Variants in COL5A3 observed in about 807,000 individuals in gnomAD.
The protein encoded by COL5A3 is collagen alpha-3(V) chain.
A neutral mutation model predicts 250.0 loss-of-function variants in COL5A3; 172 were observed. That is an observed-to-expected ratio of 0.69 (90% CI 0.61 to 0.78). COL5A3 has a LOEUF of 0.78. Among genes scored for constraint, COL5A3 ranks in the 30% least tolerant of loss-of-function variants. COL5A3 has a pLI of 0.00. For synonymous variants in COL5A3, 937 were observed against 900.4 expected (o/e 1.04, Z -0.73); for missense variants, 2,340 against 2,334.4 (o/e 1.00, Z -0.05).
chr19:9,978,478 C>T, intron 41 of COL5A3, 96 bp downstream of exon 41: 1 of 815,626 alleles, frequency 1.2e-6, no homozygotes, highest in Non-Finnish European at 2.1e-6. Flanking sequence ...CCTGCCTCAG[C>T]CTCCATCATG....
Position 9,993,768 on chromosome 19 carries a change from C to G in COL5A3, c.1626G>C (p.Gly542=), listed in dbSNP as rs1372504015. 6.2e-7 allele frequency: 1 copy of G among 1,614,154 alleles called. No individual in the cohort carries two copies. Among genetic ancestry groups the G allele is most frequent in the Middle Eastern group, 1.6e-4 (1 of 6,062 alleles). ...CATCACCTACCTTAGGTCCAGTGTC[C>G]CCTGGGAGGCCCCGAGCTCCATCTG... is the stretch of plus-strand genomic sequence containing the variant. ...PGADGARGLP[G]DTGPKGDRGF... The change falls in exon 17 of 67, where the codon GGG becomes GGC. Residue 542 remains glycine, a synonymous_variant. Coordinates refer to ENST00000264828, the MANE Select transcript of COL5A3 (RefSeq NM_015719.4).
At position 10,005,886 on chromosome 19, in the gene COL5A3, C is replaced by T. The variant is rs759264339; in HGVS notation, c.347G>A (p.Arg116Gln). The T allele has an allele frequency of 3.0e-5, 49 of 1,613,822 alleles. No individual in the cohort carries two copies. Among genetic ancestry groups the T allele is most frequent in the Admixed American group, 8.3e-5 (5 of 60,008 alleles). ...TGGCCCCAGTGCCAGGCCCAACTGC[C>T]GGGCACCCCTTTCATCATAAATGGA... ...LLSIYDERGA[R>Q]QLGLALGPAL... Residue 116 changes from arginine to glutamine, a missense_variant, in exon 3 of 67, where the codon CGG becomes CAG. Physicochemically the swap from Arg to Gln is conservative, Grantham distance 43. This residue lies in a region of COL5A3 where 1,152 missense variants were observed against 1,146.3 expected (regional missense o/e 1.00). Coordinates refer to ENST00000264828, the MANE Select transcript of COL5A3 (RefSeq NM_015719.4).
intron 24 of COL5A3, among the ~76,000 whole-genome samples, chr19:9,990,650 C>A (rs563103902): frequency 6.6e-6 from 1 of 151,948 alleles, no homozygotes; most frequent in African/African-American, 2.4e-5. Flanking sequence ...GCAAGCTCCG[C>A]CTCCCAGGTT....
At chr19:9,987,812 A>G (rs2087120601) in intron 27 of COL5A3, among the ~76,000 whole-genome samples, 1 of 152,082 alleles carries the variant, frequency 6.6e-6, no homozygotes, top group South Asian at 2.1e-4. Context: ...GGATACGCCT[A>G]TAGTCCTAGC....
chr19:9,990,359 A>C (rs1053002629), intron 24 of COL5A3, among the ~76,000 whole-genome samples: 2 of 146,990 alleles, frequency 1.4e-5, no homozygotes, highest in African/African-American at 5.1e-5. Context: ...ATGCCATTGC[A>C]CTCCAGCCTG....
Position 9,983,552 on chromosome 19 carries a change from GAA to G in COL5A3, c.2407-1436_2407-1435del, listed in dbSNP as rs1334329291. Among the ~76,000 whole-genome samples the G allele has an allele frequency of 4.4e-3, 238 of 54,050 alleles. 1 individual carries two copies. The highest frequency in any genetic ancestry group is 7.6e-3 in the East Asian group (15 of 1,964). The allele number at this position is 54,050 out of a possible 152,430, so 35.5% of individuals were successfully genotyped here. On this transcript the variant is annotated intron_variant, in intron 31 of 66. Transcript: ENST00000264828. ...AAGAAGAAAGAAAGAAAGAAAGAAA[GAA>G]AGAAAGAAAGAAAGAAAGAAAGAAA...
chr19:10,005,386 A>G (rs574214195), intron 4 of COL5A3, among the ~76,000 whole-genome samples, 172 bp downstream of exon 4: 27 of 152,220 alleles, frequency 1.8e-4, no homozygotes, highest in Non-Finnish European at 2.9e-4. Flanking sequence ...TGGCTCTGCA[A>G]TCTCACAATC....
chr19:10,003,515 C>A lies in COL5A3; in HGVS notation c.849+50G>T, dbSNP rs768883268. On this transcript the variant is annotated intron_variant, in intron 6 of 66. Coordinates refer to ENST00000264828, the MANE Select transcript of COL5A3 (RefSeq NM_015719.4). Reference sequence around the variant, plus strand: ...AAGACCAGAAGTCAGACAGTCAAGACCGGAAGTCAGGTGGTCAAAACCGGA... The same window carrying A: ...AAGACCAGAAGTCAGACAGTCAAGAACGGAAGTCAGGTGGTCAAAACCGGA... The A allele has an allele frequency of 3.8e-6, 6 of 1,589,644 alleles. No individual in the cohort carries two copies. In the East Asian group the frequency reaches 1.3e-4, roughly 36 times the overall value.
At chr19:9,977,812 C>G in intron 41 of COL5A3, 111 bp from the exon 42 acceptor site, 2 of 825,552 alleles carry the variant, frequency 2.4e-6, no homozygotes, top group South Asian at 3.0e-5. Flanking sequence ...TGTATCTAAC[C>G]TGTTCCCCTC....
chr19:9,966,665 C>A lies in COL5A3; in HGVS notation c.4540G>T (p.Glu1514Ter). ...VPLPVVEGGL[E>*]EVLASLTSLS... ...GATGTGAGCGAGGCCAGCACCTCCT[C>A]CAGGCCGCCCTCCACGACTGGAAGC... Residue 1514 changes from glutamate (E) to a stop codon, truncating the protein, a stop_gained, in exon 63 of 67, where the codon GAG becomes TAG. Coordinates refer to ENST00000264828, the MANE Select transcript of COL5A3 (RefSeq NM_015719.4). LOFTEE classifies it high-confidence loss of function. The A allele has an allele frequency of 6.5e-7, 1 of 1,538,192 alleles. No homozygotes were observed. The highest frequency in any genetic ancestry group is 8.7e-7 in the Non-Finnish European group (1 of 1,147,368).
At chr19:9,997,867 G>T in intron 10 of COL5A3, 117 bp downstream of exon 10, 1 of 1,077,204 alleles carries the variant, frequency 9.3e-7, no homozygotes, top group Non-Finnish European at 1.4e-6. Flanking sequence ...AGCCTCAAAT[G>T]TCCACTACCC....
rs1218643890 is a variant in COL5A3, at chr19:10,006,094, G to A, written c.226C>T (p.Pro76Ser). ...RIGQASTLGI[P>S]TWELFPEGHF... is the part of the protein sequence containing the mutation. ...TCACCTGGAAAGAGTTCCCACGTGG[G>A]GATGCCGAGCGTGCTGGCCTGGCCA... Residue 76 changes from proline (P) to serine (S), a missense_variant, in exon 2 of 67, where the codon CCC becomes TCC. By Grantham distance (74) the Pro-to-Ser change is moderately conservative. Coordinates refer to ENST00000264828, the MANE Select transcript of COL5A3 (RefSeq NM_015719.4). 1 of 1,613,914 alleles carries A rather than the reference G, an allele frequency of 6.2e-7. No homozygotes were observed. Among genetic ancestry groups the A allele is most frequent in the African/African-American group, 1.3e-5 (1 of 74,906 alleles).
intron 32 of COL5A3, among the ~76,000 whole-genome samples, chr19:9,981,503 T>C (rs1171402053): frequency 6.6e-6 from 1 of 152,190 alleles, no homozygotes; most frequent in African/African-American, 2.4e-5. Context: ...TGCACACATG[T>C]ATACCCACTG....
chr19:9,979,388 T>A lies in COL5A3; in HGVS notation c.2742A>T (p.Gly914=), dbSNP rs148722811. The part of the protein sequence containing the change: ...LGFQGQTGPP[G]PAGVLGPQGK... Reference sequence around the variant, plus strand: ...CCTGAGGGCCTAAGACACCAGCTGGTCCAGGCGGGCCTGTCTGACCTTGGA... The same window carrying A: ...CCTGAGGGCCTAAGACACCAGCTGGACCAGGCGGGCCTGTCTGACCTTGGA... The change falls in exon 38 of 67, where the codon GGA becomes GGT. Residue 914 remains glycine, a synonymous_variant. Coordinates refer to ENST00000264828, the MANE Select transcript of COL5A3 (RefSeq NM_015719.4). The A allele has an allele frequency of 2.1e-4, 335 of 1,614,090 alleles. No individual in the cohort carries two copies. In the African/African-American group the frequency reaches 3.8e-3, roughly 18 times the overall value.
chr19:9,962,759 C>T (rs1375911373), intron 65 of COL5A3, 60 bp downstream of exon 65: 9 of 1,320,542 alleles, frequency 6.8e-6, no homozygotes, highest in East Asian at 4.8e-5. Flanking sequence ...ACCCCTCAAA[C>T]CCCCCTGCTG....
chr19:9,973,703 T>C lies in COL5A3; in HGVS notation c.3612+53A>G, dbSNP rs146208120. The C allele has an allele frequency of 8.3e-3, 13,372 of 1,612,642 alleles. 180 individuals carry two copies. The highest frequency in any genetic ancestry group is 0.063 in the Admixed American group (3,750 of 59,942). On this transcript the variant is annotated intron_variant, in intron 49 of 66. Transcript: ENST00000264828. Reference sequence around the variant, plus strand: ...GGCTCCCCAGAATGTCCCTGCCCAATAGGACTAGATTTATCTCTTCCCCCC... The same window carrying C: ...GGCTCCCCAGAATGTCCCTGCCCAACAGGACTAGATTTATCTCTTCCCCCC...
At chr19:9,995,053 G>A (rs1258559946) in intron 16 of COL5A3, among the ~76,000 whole-genome samples, 2 of 151,910 alleles carry the variant, frequency 1.3e-5, no homozygotes, top group Non-Finnish European at 2.9e-5. Context: ...GATTACAGGC[G>A]CACGCTGCCA....
At chr19:9,971,663 C>T (rs755147417) in intron 51 of COL5A3, among the ~76,000 whole-genome samples, 1 of 152,112 alleles carries the variant, frequency 6.6e-6, no homozygotes, top group Non-Finnish European at 1.5e-5. Context: ...GATGCTAAAG[C>T]CCCTTCCTGA....
In COL5A3 at chr19:9,968,134, C is replaced by A; in HGVS notation, c.4315-55G>T. 1 of 1,490,048 alleles carries A rather than the reference C, an allele frequency of 6.7e-7. No individual in the cohort carries two copies. Among genetic ancestry groups the A allele is most frequent in the Non-Finnish European group, 9.2e-7 (1 of 1,092,828 alleles). 92.3% of individuals were successfully genotyped at this position (1,490,048 alleles called of 1,614,324 possible). A position where few individuals can be genotyped will look rare whatever the true frequency, so the allele number is the denominator to read the frequency against. ...TGGGGTACACCCTATTGCCCTGACA[C>A]ATCCCCCAGACAAGCCTTCAATCCT... On this transcript the variant is annotated intron_variant, in intron 59 of 66. Transcript: ENST00000264828. The surrounding 1 kb of genome is among the most constrained non-coding windows in gnomAD (Gnocchi z 4.1).
Sources: allele counts gnomAD v4.1 joint callset (sites outside exome capture counted in the v4.1 genomes callset), GRCh38; gene constraint gnomAD v4.1.1; regional missense constraint gnomAD v4.1.1; non-coding constraint Gnocchi (gnomAD v3.1); transcripts MANE v1.5; gene names NCBI Gene and HGNC (gene_info 2026-07-23, HGNC 2026-07-21).